Variants in NRXN1 observed in about 807,000 individuals in gnomAD.
The protein encoded by NRXN1 is neurexin 1.
Under a neutral mutation model 150.9 loss-of-function variants are expected in NRXN1, and 39 were observed. The ratio of observed to expected loss-of-function variants is 0.26; its 90% CI spans 0.20 to 0.34. NRXN1 has a LOEUF of 0.34. Among genes scored for constraint, NRXN1 ranks in the 10% least tolerant of loss-of-function variants. The pLI, the probability that NRXN1 is intolerant of heterozygous loss-of-function variation, is 1.00. For synonymous variants in NRXN1, 924 were observed against 757.0 expected, an observed-to-expected ratio of 1.22 and a Z score of -3.62; for missense variants, 1,815 against 1,949.9, an observed-to-expected ratio of 0.93 and a Z score of 1.30.
intron 18 of NRXN1, among the ~76,000 whole-genome samples, chr2:50,227,531 T>C (rs937498711): frequency 6.6e-6 from 1 of 152,016 alleles, no homozygotes; most frequent in African/African-American, 2.4e-5. Flanking sequence ...GCAAAATTAC[T>C]GCTGAAAGTG....
chr2:50,420,736 T>TGAACAA (rs2083919751), intron 17 of NRXN1, among the ~76,000 whole-genome samples: 1 of 152,078 alleles, frequency 6.6e-6, no homozygotes, highest in Admixed American at 6.6e-5. Flanking sequence ...GTTCATAGAC[T>TGAACAA]GATGAATCAA....
chr2:50,331,312 T>C (rs1317469376), intron 17 of NRXN1, among the ~76,000 whole-genome samples: 1 of 152,182 alleles, frequency 6.6e-6, no homozygotes, highest in Non-Finnish European at 1.5e-5. Context: ...ACAACTTAGT[T>C]TGCATTATAG....
chr2:50,510,897 T>C (rs2092428971), intron 12 of NRXN1, among the ~76,000 whole-genome samples: 1 of 152,152 alleles, frequency 6.6e-6, no homozygotes, highest in Non-Finnish European at 1.5e-5. Context: ...GCTAATGTTA[T>C]ATTAAAGAAT....
At chr2:51,024,050 A>G (rs1670041951) in intron 2 of NRXN1, among the ~76,000 whole-genome samples, 1 of 152,184 alleles carries the variant, frequency 6.6e-6, no homozygotes, top group African/African-American at 2.4e-5. Context: ...TTATAACTTA[A>G]TTTCTTATTG....
At chr2:49,987,029 G>C (rs1426479597) in intron 21 of NRXN1, among the ~76,000 whole-genome samples, 1 of 151,858 alleles carries the variant, frequency 6.6e-6, no homozygotes, top group Non-Finnish European at 1.5e-5. Flanking sequence ...GTTCCAGCTT[G>C]GCTGACAGAG....
chr2:50,698,484 T>A (rs1188770797), intron 5 of NRXN1, among the ~76,000 whole-genome samples: 1 of 152,200 alleles, frequency 6.6e-6, no homozygotes, highest in African/African-American at 2.4e-5. Context: ...TTATTTTTCA[T>A]AAAAGTACAC....
intron 17 of NRXN1, among the ~76,000 whole-genome samples, chr2:50,396,153 G>A (rs966081846): frequency 2.6e-5 from 4 of 152,094 alleles, no homozygotes; most frequent in Non-Finnish European, 5.9e-5. Context: ...AATGCAAATC[G>A]CACCCTCTGC....
At chr2:50,590,770 T>C (rs1192098819) in intron 8 of NRXN1, among the ~76,000 whole-genome samples, 1 of 152,152 alleles carries the variant, frequency 6.6e-6, no homozygotes, top group East Asian at 1.9e-4. Context: ...ACACTGAATC[T>C]TCCAGAGCCT....
At chr2:50,386,010 T>G (rs2081303483) in intron 17 of NRXN1, among the ~76,000 whole-genome samples, 1 of 152,020 alleles carries the variant, frequency 6.6e-6, no homozygotes, top group African/African-American at 2.4e-5. Context: ...TAAATATACA[T>G]GCATATATAT....
At chr2:50,640,684 C>T (rs1485567576) in intron 5 of NRXN1, among the ~76,000 whole-genome samples, 1 of 152,178 alleles carries the variant, frequency 6.6e-6, no homozygotes, top group Non-Finnish European at 1.5e-5. Flanking sequence ...GAAATATCAT[C>T]TGAGAGTAAT....
intron 5 of NRXN1, among the ~76,000 whole-genome samples, chr2:50,881,393 T>C (rs1559387558): frequency 6.6e-6 from 1 of 151,978 alleles, no homozygotes; most frequent in Non-Finnish European, 1.5e-5. Flanking sequence ...ATCCTGTTTC[T>C]GGCATGGTCA....
intron 21 of NRXN1, chr2:49,973,639 AGACAC>A (rs888019697): frequency 5.9e-6 from 2 of 340,584 alleles, no homozygotes; most frequent in Admixed American, 9.2e-5. Context: ...ACACACACAC[AGACAC>A]AAGTTTTGGT....
At chr2:50,890,832 T>G (rs1030559476) in intron 5 of NRXN1, among the ~76,000 whole-genome samples, 1 of 151,946 alleles carries the variant, frequency 6.6e-6, no homozygotes, top group Non-Finnish European at 1.5e-5. Context: ...ACTGTATTTG[T>G]TTTATTGTAT....
At chr2:50,781,299 C>G (rs1395806185) in intron 5 of NRXN1, among the ~76,000 whole-genome samples, 1 of 151,702 alleles carries the variant, frequency 6.6e-6, no homozygotes, top group South Asian at 2.1e-4. Flanking sequence ...AGAATATATG[C>G]ATGGAGGGAA....
intron 18 of NRXN1, among the ~76,000 whole-genome samples, chr2:50,187,792 C>T (rs1280424794): frequency 6.6e-6 from 1 of 151,996 alleles, no homozygotes; most frequent in Non-Finnish European, 1.5e-5. Context: ...TGAAGAGGTC[C>T]TTCACATCCC....
At chr2:50,872,405 G>A (rs558357151) in intron 5 of NRXN1, among the ~76,000 whole-genome samples, 1 of 151,826 alleles carries the variant, frequency 6.6e-6, no homozygotes, top group African/African-American at 2.4e-5. Flanking sequence ...GCAGGAGCTA[G>A]GTGATGGGGA....
At chr2:50,174,227 T>C (rs115747297) in intron 18 of NRXN1, among the ~76,000 whole-genome samples, 68 of 152,208 alleles carry the variant, frequency 4.5e-4, no homozygotes, top group African/African-American at 1.6e-3. Flanking sequence ...GTGTAGTGAT[T>C]AGGAATAAAA....
At chr2:50,760,962 C>G (rs1701735579) in intron 5 of NRXN1, among the ~76,000 whole-genome samples, 1 of 151,948 alleles carries the variant, frequency 6.6e-6, no homozygotes, top group Non-Finnish European at 1.5e-5. Context: ...CACCTACAGT[C>G]TTGTTCTCTT....
chr2:50,958,092 G>A (rs1558490332), intron 2 of NRXN1, among the ~76,000 whole-genome samples: 1 of 152,072 alleles, frequency 6.6e-6, no homozygotes, highest in African/African-American at 2.4e-5. Flanking sequence ...GCCTTTCTGG[G>A]CCAAAGTTTT....
Sources: gnomAD v4.1 joint callset for allele counts (sites outside exome capture counted in the v4.1 genomes callset) on GRCh38, gnomAD v4.1.1 for gene constraint, MANE v1.5 for transcripts, NCBI Gene and HGNC (gene_info 2026-07-23, HGNC 2026-07-21) for gene names.